The following LHFPL3 variants were observed in gnomAD, a reference collection of about 807,000 sequenced individuals.
LHFPL3 encodes LHFPL tetraspan subfamily member 3, also known as LHFPL tetraspan subfamily member 3 protein.
Under a neutral mutation model 19.3 loss-of-function variants are expected in LHFPL3, and 5 were observed. The observed-to-expected ratio is 0.26, with a 90% CI of 0.14 to 0.54. The LOEUF is 0.54. Ranked by LOEUF, LHFPL3 falls within the 20% of genes least tolerant of loss-of-function variation. The pLI, the probability that LHFPL3 is intolerant of heterozygous loss-of-function variation, is 0.94. For synonymous variants in LHFPL3, 133 were observed against 126.2 expected (o/e 1.05, Z -0.36); for missense variants, 249 against 307.4 (o/e 0.81, Z 1.42).
intron 2 of LHFPL3, among the ~76,000 whole-genome samples, chr7:104,813,720 A>G (rs1332707020): frequency 6.6e-6 from 1 of 152,258 alleles, no homozygotes; most frequent in Non-Finnish European, 1.5e-5. Context: ...CCAGACCAGC[A>G]GATGTCAGAT....
intron 1 of LHFPL3, among the ~76,000 whole-genome samples, chr7:104,552,528 A>G (rs1794680541): frequency 6.6e-6 from 1 of 152,204 alleles, no homozygotes; most frequent in South Asian, 2.1e-4. Context: ...GGGGTGGGGT[A>G]AAAATGGGAA....
chr7:104,348,230 C>G (rs142841070), intron 1 of LHFPL3, among the ~76,000 whole-genome samples: 6,295 of 152,202 alleles, frequency 0.041, 188 homozygotes, highest in Middle Eastern at 0.078. Flanking sequence ...ACTAAAAATA[C>G]AAAAATTAGC....
chr7:104,329,656 C>G (rs1562865893), intron 1 of LHFPL3, among the ~76,000 whole-genome samples: 1 of 152,116 alleles, frequency 6.6e-6, no homozygotes. Flanking sequence ...GCCAGCCTGC[C>G]CTGCCCCTCG....
chr7:104,671,272 A>T (rs1459360326), intron 1 of LHFPL3, among the ~76,000 whole-genome samples: 1 of 152,104 alleles, frequency 6.6e-6, no homozygotes, highest in African/African-American at 2.4e-5. Flanking sequence ...AGAAAAAAAA[A>T]CTATTGATTG....
chr7:104,652,449 G>T (rs538904351), intron 1 of LHFPL3, among the ~76,000 whole-genome samples: 14 of 152,226 alleles, frequency 9.2e-5, no homozygotes, highest in African/African-American at 3.4e-4. Context: ...TTTTGGGGAT[G>T]CATGTGATAT....
chr7:104,872,353 G>A (rs74609142), intron 2 of LHFPL3, among the ~76,000 whole-genome samples: 47 of 147,916 alleles, frequency 3.2e-4, no homozygotes, highest in Non-Finnish European at 5.8e-4. Context: ...AAAAAAAAAA[G>A]TAAGACACAG....
intron 2 of LHFPL3, among the ~76,000 whole-genome samples, chr7:104,769,492 G>GA (rs1382552813): frequency 6.6e-5 from 10 of 152,030 alleles, no homozygotes; most frequent in Admixed American, 2.6e-4. Context: ...AAGTTCTGGG[G>GA]TACATGTGCA....
chr7:104,637,549 A>G (rs555502023), intron 1 of LHFPL3, among the ~76,000 whole-genome samples: 2 of 151,908 alleles, frequency 1.3e-5, no homozygotes, highest in South Asian at 2.1e-4. Flanking sequence ...TCTTGTGTTG[A>G]TTTTTGCTTA....
intron 2 of LHFPL3, among the ~76,000 whole-genome samples, chr7:104,793,576 GAACT>G (rs1790063752): frequency 6.6e-6 from 1 of 152,188 alleles, no homozygotes; most frequent in Admixed American, 6.5e-5. Context: ...AGAATGGTTT[GAACT>G]AACACTCACA....
At chr7:104,768,028 G>A (rs767853389) in intron 2 of LHFPL3, among the ~76,000 whole-genome samples, 6 of 151,266 alleles carry the variant, frequency 4.0e-5, no homozygotes, top group Non-Finnish European at 8.8e-5. Flanking sequence ...CTGAGATAAT[G>A]ACTCTTTCAG....
At chr7:104,528,733 C>T (rs1329294198) in intron 1 of LHFPL3, among the ~76,000 whole-genome samples, 1 of 152,114 alleles carries the variant, frequency 6.6e-6, no homozygotes, top group South Asian at 2.1e-4. Flanking sequence ...TCAGTTAAGA[C>T]TTCCATAGTA....
chr7:104,879,790 G>T (rs1470525487), intron 2 of LHFPL3, among the ~76,000 whole-genome samples: 1 of 152,238 alleles, frequency 6.6e-6, no homozygotes, highest in African/African-American at 2.4e-5. Context: ...TAATACTGAT[G>T]AACGTGGCTA....
Position 104,878,957 on chromosome 7 carries a change from T to G in LHFPL3, c.683-27230T>G, listed in dbSNP as rs530333471. On this transcript the variant is annotated intron_variant, in intron 2 of 2. Coordinates refer to ENST00000424859, the MANE Select transcript of LHFPL3 (RefSeq NM_199000.3). ...TTCTAGTTGTCTAGATAGATCAAAC[T>G]AACTATAACAATTCCTTAAGCCAAA... 2.6e-5 allele frequency among the ~76,000 whole-genome samples: 4 copies of G among 152,342 alleles called. No homozygotes were observed. In the South Asian group the frequency reaches 8.3e-4, roughly 32 times the overall value.
intron 2 of LHFPL3, among the ~76,000 whole-genome samples, chr7:104,747,585 T>C (rs1237690441): frequency 2.0e-5 from 3 of 152,234 alleles, no homozygotes; most frequent in African/African-American, 4.8e-5. Flanking sequence ...CAAGCAAATA[T>C]AAGTAATACA....
rs552217010 is a variant in LHFPL3 at position 104,829,195 on chromosome 7, T to C, written c.683-76992T>C. On this transcript the variant is annotated intron_variant, in intron 2 of 2. Transcript: ENST00000424859. ...GCCTCCCATGAGGAGCCACTCTCCC[T>C]GACCAAGGGTCCTCCGGCTGGCTTG... Among the ~76,000 whole-genome samples, 634 of 151,930 alleles carry C rather than the reference T, an allele frequency of 4.2e-3. 19 individuals are homozygous for C. Among genetic ancestry groups the C allele is most frequent in the African/African-American group, 0.015 (600 of 41,258 alleles).
chr7:104,632,999 A>G (rs1791671470), intron 1 of LHFPL3, among the ~76,000 whole-genome samples: 1 of 152,220 alleles, frequency 6.6e-6, no homozygotes, highest in African/African-American at 2.4e-5. Flanking sequence ...GATAGTCTCA[A>G]TAATCATGTG....
chr7:104,529,993 G>T (rs1794265046), intron 1 of LHFPL3, among the ~76,000 whole-genome samples: 1 of 152,134 alleles, frequency 6.6e-6, no homozygotes, highest in Admixed American at 6.5e-5. Context: ...AGAGAGGATT[G>T]CTTCAACTGC....
At chr7:104,541,723 C>T (rs916464913) in intron 1 of LHFPL3, among the ~76,000 whole-genome samples, 2 of 152,138 alleles carry the variant, frequency 1.3e-5, no homozygotes, top group African/African-American at 4.8e-5. Context: ...TTCTGTACTG[C>T]AAATTCTCAG....
Position 104,780,567 on chromosome 7 carries a change from C to A in LHFPL3, c.682+43656C>A, listed in dbSNP as rs75585168. Among the ~76,000 whole-genome samples the A allele has an allele frequency of 0.025, 3,766 of 152,186 alleles. 247 individuals are homozygous for A. The East Asian group carries it at 0.26, about 11-fold the overall frequency. On this transcript the variant is annotated intron_variant, in intron 2 of 2. Coordinates refer to ENST00000424859, the MANE Select transcript of LHFPL3 (RefSeq NM_199000.3). ...AAAACAGACAAGGGGGGAAAAGATT[C>A]TTTGAGATTCGTGTCACCAGGCTAC...
Sources: gnomAD v4.1 joint callset for allele counts (sites outside exome capture counted in the v4.1 genomes callset) on GRCh38, gnomAD v4.1.1 for gene constraint, MANE v1.5 for transcripts, NCBI Gene and HGNC (gene_info 2026-07-23, HGNC 2026-07-21) for gene names.